Variants in SLC25A26 observed in about 807,000 individuals in gnomAD.
SLC25A26 encodes solute carrier family 25 member 26, also known as mitochondrial S-adenosylmethionine carrier protein.
Under a neutral mutation model 37.8 loss-of-function variants are expected in SLC25A26, and 36 were observed. The observed-to-expected ratio is 0.95, with a 90% CI of 0.73 to 1.26. SLC25A26 has a LOEUF of 1.26. SLC25A26 is among the 50% of genes most tolerant of loss of function. The pLI, the probability that SLC25A26 is intolerant of heterozygous loss-of-function variation, is 0.00. For synonymous variants in SLC25A26, 129 were observed against 122.5 expected (o/e 1.05, Z -0.35); for missense variants, 390 against 331.1 (o/e 1.18, Z -1.38).
At chr3:66,316,053 T>C (rs2075529811) in intron 5 of SLC25A26, among the ~76,000 whole-genome samples, 1 of 152,242 alleles carries the variant, frequency 6.6e-6, no homozygotes, top group African/African-American at 2.4e-5. Context: ...CAATGGATCT[T>C]GACTCTTTAC....
intron 5 of SLC25A26, among the ~76,000 whole-genome samples, chr3:66,292,630 C>A (rs1195914852): frequency 1.3e-5 from 2 of 152,206 alleles, no homozygotes; most frequent in African/African-American, 4.8e-5. Flanking sequence ...CCTCCACTCT[C>A]CTCTGGCTTG....
At chr3:66,357,328 C>T (rs371547538) in intron 6 of SLC25A26, among the ~76,000 whole-genome samples, 20 of 152,278 alleles carry the variant, frequency 1.3e-4, no homozygotes, top group Admixed American at 8.5e-4. Context: ...GCGGGAAGAT[C>T]GCTTGAGTGC....
intron 1 of SLC25A26, among the ~76,000 whole-genome samples, chr3:66,205,956 A>G (rs1363479395): frequency 6.6e-6 from 1 of 152,226 alleles, no homozygotes; most frequent in Non-Finnish European, 1.5e-5. Flanking sequence ...GAAAAAATTG[A>G]TAAAGTATGC....
chr3:66,335,199 G>A (rs2076066179), intron 5 of SLC25A26, among the ~76,000 whole-genome samples: 1 of 152,180 alleles, frequency 6.6e-6, no homozygotes, highest in African/African-American at 2.4e-5. Flanking sequence ...TGTGAAGCAT[G>A]GCTTTTCTTT....
At chr3:66,185,116 CT>C (rs1279828326) in intron 1 of SLC25A26, among the ~76,000 whole-genome samples, 17 of 152,196 alleles carry the variant, frequency 1.1e-4, no homozygotes, top group Non-Finnish European at 2.2e-4. Context: ...ACAACTCCCT[CT>C]TTTTTCCTTT....
chr3:66,326,691 C>T (rs1488049267), intron 5 of SLC25A26, among the ~76,000 whole-genome samples: 1 of 152,210 alleles, frequency 6.6e-6, no homozygotes, highest in Non-Finnish European at 1.5e-5. Flanking sequence ...ACGCCTCTTG[C>T]TTCCTGCCTC....
At chr3:66,253,023 G>GGGCC in intron 3 of SLC25A26, among the ~76,000 whole-genome samples, 1 of 106,748 alleles carries the variant, frequency 9.4e-6, no homozygotes, top group African/African-American at 4.0e-5. Flanking sequence ...GCAAAATAAT[G>GGGCC]CCCCCCCCCC....
At chr3:66,304,466 G>C (rs943386911) in intron 5 of SLC25A26, 2 of 456,306 alleles carry the variant, frequency 4.4e-6, no homozygotes, top group African/African-American at 4.0e-5. Flanking sequence ...GAGGATTAGA[G>C]TCAAAGGTGT....
chr3:66,297,188 C>T (rs2074929927), intron 5 of SLC25A26, among the ~76,000 whole-genome samples: 2 of 151,848 alleles, frequency 1.3e-5, no homozygotes, highest in Admixed American at 1.3e-4. Context: ...AATAGCTGGG[C>T]ATGGTTGTGG....
At position 66,186,800 on chromosome 3, in the gene SLC25A26, C is replaced by T. The variant is rs2070837149; in HGVS notation, c.-353-33942C>T. On this transcript the variant is annotated intron_variant, in intron 1 of 10. Transcript: ENST00000676754. ...CACTCAACCTGACTTTGAGTCTCAC[C>T]ATGGCCCTGAGCCTGACTTTGACTT... Among the ~76,000 whole-genome samples, 10 of 151,888 alleles carry T rather than the reference C, an allele frequency of 6.6e-5. 1 individual carries two copies. The highest frequency in any genetic ancestry group is 6.6e-4 in the Admixed American group (10 of 15,250).
chr3:66,209,040 G>GTATATATATATA (rs1172568131), intron 1 of SLC25A26, among the ~76,000 whole-genome samples: 1 of 33,492 alleles, frequency 3.0e-5, no homozygotes, highest in African/African-American at 9.2e-5. Context: ...ATATAAAGGT[G>GTATATATATATA]TATATATATA....
At chr3:66,326,445 A>C (rs1433402606) in intron 5 of SLC25A26, among the ~76,000 whole-genome samples, 1 of 152,196 alleles carries the variant, frequency 6.6e-6, no homozygotes, top group Non-Finnish European at 1.5e-5. Context: ...TGAAGGAGTT[A>C]ATACGGTTGT....
At chr3:66,249,897 C>T (rs782474620) in intron 3 of SLC25A26, among the ~76,000 whole-genome samples, 11 of 152,194 alleles carry the variant, frequency 7.2e-5, no homozygotes, top group Non-Finnish European at 1.3e-4. Flanking sequence ...TGTCAGATAC[C>T]TGAGTGCACT....
chr3:66,303,311 G>A (rs114552375), intron 5 of SLC25A26, among the ~76,000 whole-genome samples: 2,044 of 152,212 alleles, frequency 0.013, 58 homozygotes, highest in African/African-American at 0.046. Context: ...TCTTTAAGGC[G>A]CAGCCACCTT....
In SLC25A26 at chr3:66,224,217, G is replaced by A. The variant is rs138827212; in HGVS notation, c.33+3090G>A. Among the ~76,000 whole-genome samples, 379 of 152,282 alleles carry A rather than the reference G, an allele frequency of 2.5e-3. 1 individual carries two copies. The highest frequency in any genetic ancestry group is 8.4e-3 in the African/African-American group (351 of 41,550). On this transcript the variant is annotated intron_variant, in intron 1 of 9. Coordinates refer to ENST00000354883, the MANE Select transcript of SLC25A26 (RefSeq NM_001379210.1). The stretch of plus-strand genomic sequence containing the variant: ...TCCAAAATAGCACTAAGTATTTTTG[G>A]TGGTAGGATTACATCGTGTTAGTCT...
intron 9 of SLC25A26, among the ~76,000 whole-genome samples, chr3:66,372,025 C>A (rs138503857): frequency 6.6e-6 from 1 of 152,080 alleles, no homozygotes; most frequent in Non-Finnish European, 1.5e-5. Flanking sequence ...CCCGGGAAGT[C>A]GAGGTTATAG....
upstream of SLC25A26, among the ~76,000 whole-genome samples, chr3:66,218,081 C>T (rs986285655): frequency 3.5e-4 from 52 of 149,730 alleles, no homozygotes; most frequent in African/African-American, 1.2e-3. Flanking sequence ...CAGAATTTCA[C>T]GTAAGTGGAA....
intron 3 of SLC25A26, among the ~76,000 whole-genome samples, chr3:66,247,161 G>A (rs976386050): frequency 9.2e-5 from 14 of 152,024 alleles, no homozygotes; most frequent in Non-Finnish European, 2.9e-5. Flanking sequence ...ACCGCGCCAG[G>A]CCCCTAGAGA....
At chr3:66,241,902 G>C (rs980981239) in intron 2 of SLC25A26, among the ~76,000 whole-genome samples, 4 of 150,126 alleles carry the variant, frequency 2.7e-5, no homozygotes, top group African/African-American at 4.9e-5. Context: ...GGAATGTAGA[G>C]AAAGCATAGC....
Sources: gnomAD v4.1 joint callset for allele counts (sites outside exome capture counted in the v4.1 genomes callset) on GRCh38, gnomAD v4.1.1 for gene constraint, MANE v1.5 for transcripts, NCBI Gene and HGNC (gene_info 2026-07-23, HGNC 2026-07-21) for gene names.